Variants in CR1L observed in about 807,000 individuals in gnomAD.
CR1L encodes complement component receptor 1-like protein.
In CR1L, 59 loss-of-function variants were observed where a neutral mutation model predicts 62.3. The ratio of observed to expected loss-of-function variants is 0.95; its 90% CI spans 0.77 to 1.18. CR1L has a LOEUF of 1.18. Ranked by LOEUF, CR1L falls within the 50% of genes most tolerant of loss-of-function variation. CR1L has a pLI of 0.00. For missense variants in CR1L, 700 were observed against 702.8 expected, an observed-to-expected ratio of 1.00 and a Z score of 0.04; for synonymous variants, 279 against 248.7, an observed-to-expected ratio of 1.12 and a Z score of -1.15.
chr1:207,647,527 C>T (rs748326171), intron 1 of CR1L, among the ~76,000 whole-genome samples: 56 of 152,330 alleles, frequency 3.7e-4, no homozygotes, highest in Non-Finnish European at 5.4e-4. Flanking sequence ...AATCTTCTGT[C>T]TTCCCCCATT....
Position 207,699,275 on chromosome 1 carries a change from G to A in CR1L, c.1228+1G>A, listed in dbSNP as rs374206906. ...AATAGCAGTGTTCCAGTGTGTGAAC[G>A]TAAGTAATAGGAGTAACATTTCAGG... On this transcript the variant is annotated splice_donor_variant, in intron 8 of 11. Transcript: ENST00000508064. LOFTEE classifies it high-confidence loss of function. The A allele has an allele frequency of 6.3e-5, 102 of 1,613,514 alleles. 1 individual carries two copies. In the South Asian group the frequency reaches 7.5e-4, roughly 12 times the overall value.
chr1:207,645,355 C>A (rs1663102283), intron 1 of CR1L, 25 bp downstream of exon 1: 1 of 1,611,656 alleles, frequency 6.2e-7, no homozygotes, highest in Non-Finnish European at 8.5e-7. Flanking sequence ...TGGATTCGCG[C>A]GTCCGCGGCG....
intron 4 of CR1L, among the ~76,000 whole-genome samples, chr1:207,694,013 G>T (rs571582372): frequency 2.3e-4 from 35 of 151,858 alleles, no homozygotes; most frequent in Non-Finnish European, 3.8e-4. Context: ...TTTCTAAAAA[G>T]GCTAACCTCA....
chr1:207,660,214 C>T (rs757180884), intron 1 of CR1L, among the ~76,000 whole-genome samples: 8 of 152,250 alleles, frequency 5.3e-5, no homozygotes, highest in Non-Finnish European at 1.0e-4. Flanking sequence ...GGACAGACTG[C>T]CTCCCCAAGT....
At chr1:207,703,277 C>G (rs1664220197) in intron 9 of CR1L, among the ~76,000 whole-genome samples, 1 of 152,164 alleles carries the variant, frequency 6.6e-6, no homozygotes, top group Non-Finnish European at 1.5e-5. Context: ...TTCAAAGCTT[C>G]AAAGGATAGG....
Position 207,677,565 on chromosome 1 carries a change from A to G in CR1L, c.274A>G (p.Lys92Glu). The G allele has an allele frequency of 1.2e-6, 2 of 1,612,728 alleles. No homozygotes were observed. The highest frequency in any genetic ancestry group is 1.7e-6 in the Non-Finnish European group (2 of 1,179,486). Residue 92 changes from lysine to glutamate, a missense_variant, in exon 2 of 12, where the codon AAA becomes GAA. Coordinates refer to ENST00000508064, the MANE Select transcript of CR1L (RefSeq NM_175710.2). ...SVWTSAKDKC[K>E]RKSCRNPPDP... is the part of the protein sequence containing the mutation. ...CTGGACAAGTGCTAAGGACAAGTGC[A>G]AACGTAAGTAACTCTGGAGTGGGAA...
intron 11 of CR1L, among the ~76,000 whole-genome samples, chr1:207,720,808 AT>A (rs1368820825): frequency 6.6e-6 from 1 of 152,218 alleles, no homozygotes; most frequent in East Asian, 1.9e-4. Context: ...TTAAAGAAAA[AT>A]TAAACTATGT....
intron 1 of CR1L, among the ~76,000 whole-genome samples, chr1:207,669,798 A>C (rs1442726676): frequency 6.6e-6 from 1 of 151,242 alleles, no homozygotes; most frequent in East Asian, 1.9e-4. Flanking sequence ...CAGGGGCTTA[A>C]GTCGTGACGA....
intron 1 of CR1L, chr1:207,669,639 C>G: frequency 1.1e-6 from 1 of 938,292 alleles, no homozygotes; most frequent in Admixed American, 2.4e-5. Context: ...ACTCGCGTGC[C>G]GCGCTGGGCT....
chr1:207,672,123 T>C (rs1328774679), intron 1 of CR1L, among the ~76,000 whole-genome samples: 1 of 150,724 alleles, frequency 6.6e-6, no homozygotes, highest in African/African-American at 2.5e-5. Context: ...AACTCAACTA[T>C]ATATTGTGTA....
intron 1 of CR1L, 52 bp from the exon 2 acceptor site, chr1:207,677,337 A>AAAAAAAAAAAAT (rs1663710267): frequency 1.1e-6 from 1 of 885,908 alleles, no homozygotes; most frequent in Non-Finnish European, 1.6e-6. Flanking sequence ...AAAAAAAAAA[A>AAAAAAAAAAAAT]GTATGGTAAT....
At position 207,717,573 on chromosome 1, in the gene CR1L, A is replaced by G. The variant is rs372259036; in HGVS notation, c.1524A>G (p.Pro508=). 4 of 1,613,830 alleles carry G rather than the reference A, an allele frequency of 2.5e-6. No individual in the cohort carries two copies. The African/African-American group carries it at 4.0e-5, about 16-fold the overall frequency. Residue 508 remains proline (P), a synonymous_variant, in exon 11 of 12, where the codon CCA becomes CCG. Transcript: ENST00000508064. ...KEVSYTCDPH[P]DRGMTFNLIG... is the part of the protein sequence containing the mutation. The stretch of plus-strand genomic sequence containing the variant: ...TATCTTACACATGTGACCCCCACCC[A>G]GACAGAGGGATGACCTTCAACCTCA...
intron 1 of CR1L, among the ~76,000 whole-genome samples, chr1:207,656,704 C>T (rs1322001524): frequency 1.1e-4 from 17 of 151,964 alleles, no homozygotes; most frequent in Admixed American, 9.2e-4. Context: ...GGAGGTGTTG[C>T]GCACTTTTAA....
intron 1 of CR1L, among the ~76,000 whole-genome samples, chr1:207,673,890 A>G (rs553400685): frequency 6.6e-6 from 1 of 152,346 alleles, no homozygotes; most frequent in East Asian, 1.9e-4. Context: ...TTTTGTTTGT[A>G]ATAGCCAACG....
chr1:207,711,395 A>G (rs1664355174), intron 10 of CR1L: 2 of 158,546 alleles, frequency 1.3e-5, no homozygotes, highest in African/African-American at 4.8e-5. Flanking sequence ...TCTGGTCACA[A>G]TCCTGCTGAC....
chr1:207,693,741 A>G (rs916157067), intron 4 of CR1L, among the ~76,000 whole-genome samples: 6 of 152,124 alleles, frequency 3.9e-5, no homozygotes, highest in Non-Finnish European at 8.8e-5. Context: ...TTGAAAGTTC[A>G]ATAGAGCTTA....
intron 3 of CR1L, among the ~76,000 whole-genome samples, chr1:207,680,506 A>G (rs928592817): frequency 1.1e-4 from 16 of 152,116 alleles, no homozygotes; most frequent in African/African-American, 3.9e-4. Context: ...GCTATTCCCT[A>G]CAACTGCATG....
At chr1:207,706,420 A>G (rs1033635035) in intron 9 of CR1L, among the ~76,000 whole-genome samples, 1 of 150,676 alleles carries the variant, frequency 6.6e-6, no homozygotes, top group Admixed American at 6.6e-5. Flanking sequence ...CACCTTGTCT[A>G]AAAAAAAAGA....
chr1:207,720,760 A>T (rs1464089103), intron 11 of CR1L, among the ~76,000 whole-genome samples: 1 of 152,222 alleles, frequency 6.6e-6, no homozygotes, highest in Non-Finnish European at 1.5e-5. Context: ...ACATGTAAAA[A>T]CTAACAGAAG....
Sources: gnomAD v4.1 joint callset for allele counts (sites outside exome capture counted in the v4.1 genomes callset) on GRCh38, gnomAD v4.1.1 for gene constraint, MANE v1.5 for transcripts, NCBI Gene and HGNC (gene_info 2026-07-23, HGNC 2026-07-21) for gene names.